RUVBL1: variants seen among roughly 807,000 people sequenced by gnomAD.
RUVBL1 encodes RuvB like AAA ATPase 1, also known as ruvB-like 1.
RUVBL1 carries 4 observed loss-of-function variants against 52.4 expected under a neutral mutation model. The observed-to-expected ratio is 0.08, with a 90% confidence interval of 0.04 to 0.17. The LOEUF (loss-of-function observed/expected upper bound fraction) is 0.17. Ranked by LOEUF, RUVBL1 falls within the 10% of genes least tolerant of loss-of-function variation. The probability of loss-of-function intolerance (pLI) is 1.00; values close to 1 mark genes in which losing one functional copy is unlikely to be tolerated. For missense variants in RUVBL1, 298 were observed against 572.8 expected (o/e 0.52, Z 4.90); for synonymous variants, 217 against 214.4 (o/e 1.01, Z -0.10).
Position 128,081,664 on chromosome 3 carries a change from A to G in RUVBL1, c.1212-255T>C. The G allele has an allele frequency of 1.1e-5, 5 of 449,444 alleles. 1 individual carries two copies. The South Asian group carries it at 2.1e-4, about 19-fold the overall frequency. The allele number at this position is 449,444 out of a possible 1,614,324, so 27.8% of individuals were successfully genotyped here. A position where few individuals can be genotyped will look rare whatever the true frequency, so the allele number is the denominator to read the frequency against. ...CCCCAAATCTTTAGTACAGTCTACA[A>G]ATCCTCCAGTAGGAAGTAATGTCAC... On this transcript the variant is annotated intron_variant, in intron 10 of 10. Coordinates refer to ENST00000322623, the MANE Select transcript of RUVBL1 (RefSeq NM_003707.3). The surrounding 1 kb of genome is among the most constrained non-coding windows in gnomAD (Gnocchi z 4.8).
At chr3:128,131,713 G>A (rs1943878986) in intron 1 of RUVBL1, among the ~76,000 whole-genome samples, 1 of 152,142 alleles carries the variant, frequency 6.6e-6, no homozygotes. Context: ...TTAATAGAGT[G>A]AAGGGGAAAA....
intron 1 of RUVBL1, among the ~76,000 whole-genome samples, chr3:128,143,190 T>TTTTTA (rs35347228): frequency 7.2e-6 from 1 of 139,194 alleles, no homozygotes; most frequent in African/African-American, 2.8e-5. Flanking sequence ...TTTTTTTTTT[T>TTTTTA]GAGACAGAGT....
chr3:128,098,390 C>T (rs572822650), intron 7 of RUVBL1, among the ~76,000 whole-genome samples: 1 of 152,078 alleles, frequency 6.6e-6, no homozygotes, highest in East Asian at 1.9e-4. Context: ...CTTAAGGTGA[C>T]GAAACTGTAG....
chr3:128,146,185 T>C (rs1487458942), intron 1 of RUVBL1, among the ~76,000 whole-genome samples: 5 of 152,064 alleles, frequency 3.3e-5, no homozygotes, highest in Non-Finnish European at 5.9e-5. Flanking sequence ...CTCTGGTCCA[T>C]GCTTGGGGGC....
chr3:128,151,720 T>G (rs1213052887), intron 1 of RUVBL1, among the ~76,000 whole-genome samples: 2 of 152,170 alleles, frequency 1.3e-5, no homozygotes, highest in African/African-American at 2.4e-5. Flanking sequence ...CTCCAAATAC[T>G]ATCACACTGG....
At chr3:128,130,904 C>T (rs1943868427) in intron 1 of RUVBL1, among the ~76,000 whole-genome samples, 1 of 151,928 alleles carries the variant, frequency 6.6e-6, no homozygotes, top group South Asian at 2.1e-4. Flanking sequence ...CCCACCTCGG[C>T]CTCCCAAAGT....
intron 8 of RUVBL1, among the ~76,000 whole-genome samples, chr3:128,094,732 A>C (rs1942929992): frequency 6.6e-6 from 1 of 152,176 alleles, no homozygotes; most frequent in Admixed American, 6.5e-5. Context: ...GGAAGCCCTC[A>C]GTTAGTCACC....
In RUVBL1 at chr3:128,080,966, T is replaced by C. The variant is rs1053991243; in HGVS notation, c.*284A>G. The C allele has an allele frequency of 1.9e-4, 68 of 364,422 alleles. No homozygotes were observed. The East Asian group carries it at 3.2e-3, about 17-fold the overall frequency. The allele number at this position is 364,422 out of a possible 1,614,324, so 22.6% of individuals were successfully genotyped here. A position where few individuals can be genotyped will look rare whatever the true frequency, so the allele number is the denominator to read the frequency against. On this transcript the variant is annotated 3_prime_UTR_variant, in exon 11 of 11. Coordinates refer to ENST00000322623, the MANE Select transcript of RUVBL1 (RefSeq NM_003707.3). ...AATGACTCTGTACATCTAAAACTGT[T>C]CTGAAAAGTTTATTTTTAAAAAACT...
chr3:128,066,819 A>G, intron 9 of RUVBL1: 1 of 766,574 alleles, frequency 1.3e-6, no homozygotes, highest in East Asian at 2.7e-5. Context: ...AAGCTCTCGG[A>G]ACTGGGAGCC....
In RUVBL1 at chr3:128,075,566, C is replaced by T. The variant is rs562161959; in HGVS notation, c.940-10346G>A. On this transcript the variant is annotated intron_variant, in intron 9 of 9. Transcript: ENST00000464873. ...GACACACGCCTTCCTCCCTGCCTGC[C>T]GGGACTTCAACCTCGCTTGCTGGGA... 1.9e-3 allele frequency among the ~76,000 whole-genome samples: 291 copies of T among 152,204 alleles called. 1 individual carries two copies. Among genetic ancestry groups the T allele is most frequent in the African/African-American group, 6.5e-3 (271 of 41,552 alleles).
At chr3:128,094,305 G>T (rs2107683349) in intron 8 of RUVBL1, among the ~76,000 whole-genome samples, 1 of 152,312 alleles carries the variant, frequency 6.6e-6, no homozygotes, top group Non-Finnish European at 1.5e-5. Context: ...CACTTCTGAG[G>T]CTCAATCCAC....
At chr3:128,113,100 G>C (rs1943431556) in intron 2 of RUVBL1, 80 bp from the exon 3 acceptor site, 1 of 1,496,006 alleles carries the variant, frequency 6.7e-7, no homozygotes, top group Non-Finnish European at 9.1e-7. Context: ...AGAACCACCA[G>C]GAACTAGGAA....
At chr3:128,108,856 T>G (rs975460886) in intron 3 of RUVBL1, among the ~76,000 whole-genome samples, 1 of 152,108 alleles carries the variant, frequency 6.6e-6, no homozygotes, top group Non-Finnish European at 1.5e-5. Context: ...TCATTTCCAC[T>G]GCTATTCCAA....
chr3:128,124,926 A>G (rs1943758918), upstream of RUVBL1, among the ~76,000 whole-genome samples: 1 of 148,794 alleles, frequency 6.7e-6, no homozygotes, highest in Non-Finnish European at 1.5e-5. Flanking sequence ...ACTTGCCCAG[A>G]GTGCAGGAGA....
intron 1 of RUVBL1, among the ~76,000 whole-genome samples, chr3:128,136,008 CT>C (rs893432294): frequency 7.2e-5 from 11 of 151,788 alleles, no homozygotes; most frequent in African/African-American, 2.2e-4. Flanking sequence ...TCTCTTTGTT[CT>C]TTTTTTTGGC....
chr3:128,147,012 G>A (rs532315241), intron 1 of RUVBL1, among the ~76,000 whole-genome samples: 1 of 152,232 alleles, frequency 6.6e-6, no homozygotes, highest in Non-Finnish European at 1.5e-5. Flanking sequence ...CCTAGTAAAA[G>A]AACAGCTTCA....
intron 1 of RUVBL1, among the ~76,000 whole-genome samples, chr3:128,148,626 C>G (rs1944138856): frequency 6.6e-6 from 1 of 152,156 alleles, no homozygotes; most frequent in Admixed American, 6.5e-5. Flanking sequence ...TAGACATCAC[C>G]AGGGAGTAAA....
chr3:128,145,764 G>A (rs552602088), intron 1 of RUVBL1, among the ~76,000 whole-genome samples: 42 of 152,100 alleles, frequency 2.8e-4, no homozygotes, highest in Non-Finnish European at 5.3e-4. Context: ...GGTGCCTTTA[G>A]GACACTTTTT....
chr3:128,113,416 A>G (rs1442060441), intron 2 of RUVBL1, among the ~76,000 whole-genome samples: 1 of 152,210 alleles, frequency 6.6e-6, no homozygotes, highest in Non-Finnish European at 1.5e-5. Context: ...CTCTGGCAGC[A>G]GGACTCCAAA....
Sources: allele counts gnomAD v4.1 joint callset (sites outside exome capture counted in the v4.1 genomes callset), GRCh38; gene constraint gnomAD v4.1.1; non-coding constraint Gnocchi (gnomAD v3.1); transcripts MANE v1.5; gene names NCBI Gene and HGNC (gene_info 2026-07-23, HGNC 2026-07-21).